Variants in MYO3B observed in about 807,000 individuals in gnomAD.
The protein encoded by MYO3B is myosin-IIIb.
MYO3B carries 156 observed loss-of-function variants against 174.6 expected under a neutral mutation model. The ratio of observed to expected loss-of-function variants is 0.89; its 90% CI spans 0.78 to 1.02. The LOEUF (loss-of-function observed/expected upper bound fraction) is 1.02. MYO3B is among the 50% of genes least tolerant of loss of function. MYO3B has a pLI of 0.00. For synonymous variants in MYO3B, 563 were observed against 569.1 expected, an observed-to-expected ratio of 0.99 and a Z score of 0.15; for missense variants, 1,632 against 1,639.4, an observed-to-expected ratio of 1.00 and a Z score of 0.08.
rs574253365 is a variant in MYO3B at position 170,277,135 on chromosome 2, G to C, written c.749+40999G>C. Among the ~76,000 whole-genome samples, 11 of 152,308 alleles carry C rather than the reference G, an allele frequency of 7.2e-5. No individual in the cohort carries two copies. In the South Asian group the frequency reaches 1.9e-3, roughly 26 times the overall value. On this transcript the variant is annotated intron_variant, in intron 7 of 34. Transcript: ENST00000408978. ...GGGGAAGGCTGAGAAGGAGGCCCCT[G>C]CTCTGTTTGCTGTTGGTCAAATGAG...
chr2:170,507,040 C>T (rs1687658192), intron 28 of MYO3B, among the ~76,000 whole-genome samples: 1 of 152,202 alleles, frequency 6.6e-6, no homozygotes, highest in Admixed American at 6.5e-5. Flanking sequence ...TCTTCAAACT[C>T]ACTGTCTTTA....
At chr2:170,299,504 A>G (rs2093651632) in intron 7 of MYO3B, among the ~76,000 whole-genome samples, 1 of 152,216 alleles carries the variant, frequency 6.6e-6, no homozygotes, top group South Asian at 2.1e-4. Context: ...TATTTATTGA[A>G]TACTTGCTAT....
chr2:170,609,409 C>T (rs772608787), intron 32 of MYO3B, among the ~76,000 whole-genome samples: 36 of 152,166 alleles, frequency 2.4e-4, no homozygotes, highest in Non-Finnish European at 4.3e-4. Context: ...ACATGATGTA[C>T]TAGACCCATC....
At chr2:170,350,887 G>A (rs2094061549) in intron 8 of MYO3B, 1 of 152,068 alleles carries the variant, frequency 6.6e-6, no homozygotes, top group Non-Finnish European at 1.5e-5. Context: ...GCCTTTAGAT[G>A]TTTCCGTGGA....
At chr2:170,539,035 A>T (rs575440545) in intron 30 of MYO3B, among the ~76,000 whole-genome samples, 1 of 152,278 alleles carries the variant, frequency 6.6e-6, no homozygotes, top group African/African-American at 2.4e-5. Flanking sequence ...CATAGTCAAA[A>T]TTTCCCAATT....
rs1213916102 is a variant in MYO3B at position 170,405,537 on chromosome 2, C to T, written c.2432-8C>T. 3.7e-6 allele frequency: 6 copies of T among 1,613,490 alleles called. No homozygotes were observed. In the Admixed American group the frequency reaches 1.0e-4, roughly 27 times the overall value. ...CATTGTAACTCTCCAACATAAAAAT[C>T]CACACAGATAAATTTGAAGATAATC... On this transcript the variant is annotated splice_region_variant and splice_polypyrimidine_tract_variant and intron_variant, in intron 20 of 34. Transcript: ENST00000408978.
chr2:170,432,021 A>G (rs1490031983), intron 22 of MYO3B, among the ~76,000 whole-genome samples: 2 of 152,270 alleles, frequency 1.3e-5, no homozygotes, highest in African/African-American at 2.4e-5. Flanking sequence ...TGCCAGTTGT[A>G]TAAAATATAA....
At chr2:170,377,944 A>G in intron 9 of MYO3B, among the ~76,000 whole-genome samples, 1 of 152,176 alleles carries the variant, frequency 6.6e-6, no homozygotes, top group East Asian at 1.9e-4. Flanking sequence ...TAATTTTCAC[A>G]TTAAACGAGG....
chr2:170,358,789 C>T (rs1035613625), intron 8 of MYO3B, among the ~76,000 whole-genome samples: 2 of 152,104 alleles, frequency 1.3e-5, no homozygotes, highest in Non-Finnish European at 2.9e-5. Flanking sequence ...CGGCCTTCTC[C>T]GTAGTAGGCA....
At chr2:170,214,660 C>A in intron 4 of MYO3B, 69 bp from the exon 5 acceptor site, 1 of 1,460,224 alleles carries the variant, frequency 6.8e-7, no homozygotes, top group Non-Finnish European at 9.6e-7. Context: ...AGGGTAATTG[C>A]TTTAAAATAA....
chr2:170,542,805 A>C lies in MYO3B; in HGVS notation c.3576-101A>C. ...AAATGGGAAACCATGGAAGCATAAA[A>C]AGTATGTTTTGATATATCTTTGAAG... On this transcript the variant is annotated intron_variant, in intron 30 of 34. Transcript: ENST00000408978. The C allele has an allele frequency of 4.4e-6, 4 of 904,370 alleles. 1 individual carries two copies. The highest frequency in any genetic ancestry group is 6.6e-6 in the Non-Finnish European group (4 of 603,620). 56.0% of individuals were successfully genotyped at this position (904,370 alleles called of 1,614,324 possible).
intron 6 of MYO3B, among the ~76,000 whole-genome samples, chr2:170,230,972 A>G (rs773317133): frequency 1.3e-5 from 2 of 152,226 alleles, no homozygotes; most frequent in Non-Finnish European, 2.9e-5. Flanking sequence ...TTCTAGCATT[A>G]GTCAGAGGTG....
chr2:170,584,496 AT>A (rs1238974065), intron 32 of MYO3B, among the ~76,000 whole-genome samples: 1 of 152,238 alleles, frequency 6.6e-6, no homozygotes, highest in Non-Finnish European at 1.5e-5. Flanking sequence ...TGGAAAATGT[AT>A]TGCTTGTCAT....
chr2:170,392,603 G>T (rs1347164261), intron 16 of MYO3B, 108 bp downstream of exon 16: 4 of 639,086 alleles, frequency 6.3e-6, no homozygotes, highest in Non-Finnish European at 9.8e-6. Flanking sequence ...CAAATGCCAT[G>T]TTGGTCATGT....
At chr2:170,513,143 C>T (rs1688085752) in intron 28 of MYO3B, among the ~76,000 whole-genome samples, 1 of 152,142 alleles carries the variant, frequency 6.6e-6, no homozygotes, top group African/African-American at 2.4e-5. Context: ...TGATCTTGTC[C>T]TTCTCTTTCT....
intron 7 of MYO3B, among the ~76,000 whole-genome samples, chr2:170,261,840 G>T (rs531318310): frequency 6.6e-6 from 1 of 152,244 alleles, no homozygotes; most frequent in Admixed American, 6.5e-5. Flanking sequence ...CTTAATCAAA[G>T]TTCAAATATA....
At chr2:170,502,572 G>A (rs1236875129) in intron 28 of MYO3B, among the ~76,000 whole-genome samples, 3 of 135,264 alleles carry the variant, frequency 2.2e-5, no homozygotes, top group Non-Finnish European at 4.8e-5. Context: ...CAGTCACTCT[G>A]CTCTTCTGCA....
chr2:170,567,020 A>G (rs950259817), intron 32 of MYO3B, among the ~76,000 whole-genome samples: 1 of 152,116 alleles, frequency 6.6e-6, no homozygotes, highest in African/African-American at 2.4e-5. Context: ...TTAAACTGAG[A>G]CACTTAGCCA....
chr2:170,646,872 T>C (rs1333679463), intron 32 of MYO3B: 1 of 1,303,892 alleles, frequency 7.7e-7, no homozygotes, highest in African/African-American at 1.5e-5. Flanking sequence ...TTTCAGTATC[T>C]CGTTTTCTAA....
Sources: gnomAD v4.1 joint callset for allele counts (sites outside exome capture counted in the v4.1 genomes callset) on GRCh38, gnomAD v4.1.1 for gene constraint, MANE v1.5 for transcripts, NCBI Gene and HGNC (gene_info 2026-07-23, HGNC 2026-07-21) for gene names.